KCTD14: variants seen among roughly 807,000 people sequenced by gnomAD.
KCTD14 encodes the protein BTB/POZ domain-containing protein KCTD14.
KCTD14 carries 7 observed loss-of-function variants against 5.9 expected under a neutral mutation model. The ratio of observed to expected loss-of-function variants is 1.19; its 90% confidence interval spans 0.68 to 2.23. KCTD14 has a LOEUF of 2.23. Among genes scored for constraint, KCTD14 ranks in the 30% most tolerant of loss-of-function variants. The pLI is 0.00. For missense variants in KCTD14, 342 were observed against 332.2 expected (o/e 1.03, Z -0.23); for synonymous variants, 140 against 133.1 (o/e 1.05, Z -0.36).
At chr11:78,029,520 A>G (rs73509607) in intron 2 of KCTD14, among the ~76,000 whole-genome samples, 13,622 of 152,264 alleles carry the variant, frequency 0.089, 1,955 homozygotes, top group African/African-American at 0.31. Context: ...AAAATGTGGG[A>G]AAAACTTAAA....
chr11:78,043,532 A>T (rs1243266529), intron 1 of KCTD14, among the ~76,000 whole-genome samples: 1 of 152,190 alleles, frequency 6.6e-6, no homozygotes, highest in Admixed American at 6.5e-5. Flanking sequence ...AAGTGAGGGG[A>T]TAGACTGAGA....
At chr11:78,029,598 CCTGTT>C (rs1857559743) in intron 2 of KCTD14, among the ~76,000 whole-genome samples, 1 of 152,186 alleles carries the variant, frequency 6.6e-6, no homozygotes, top group Non-Finnish European at 1.5e-5. Context: ...TTTTCTCTCT[CCTGTT>C]CTCACTTTTG....
At chr11:78,027,181 G>A (rs73507589), upstream of KCTD14, among the ~76,000 whole-genome samples, 10,829 of 152,098 alleles carry the variant, frequency 0.071, 1,237 homozygotes, top group African/African-American at 0.25. Flanking sequence ...GGTTAGGTCC[G>A]AAAAGACTGG....
intron 1 of KCTD14, among the ~76,000 whole-genome samples, chr11:78,041,985 T>A (rs183031379): frequency 3.3e-5 from 5 of 149,718 alleles, no homozygotes; most frequent in Non-Finnish European, 5.9e-5. Flanking sequence ...AAGAAAGGCT[T>A]GCCACCATCT....
At chr11:78,042,513 A>G (rs964419111) in intron 1 of KCTD14, among the ~76,000 whole-genome samples, 1 of 150,674 alleles carries the variant, frequency 6.6e-6, no homozygotes, top group Non-Finnish European at 1.5e-5. Context: ...CTCAAAAAGA[A>G]AAAAAAAAAT....
chr11:78,016,622 T>C lies in KCTD14; in HGVS notation c.739A>G (p.Ile247Val). The change falls in exon 2 of 2, where the codon ATT (isoleucine) becomes GTT (valine). Residue 247 changes from isoleucine to valine, a missense_variant. Transcript: ENST00000353172. ...PTKRNEFHFN[I>V]YSFTFTWW is the part of the protein sequence containing the mutation. The stretch of plus-strand genomic sequence containing the variant: ...CACCAGGTGAAGGTGAATGAATAAA[T>C]GTTAAAATGGAATTCGTTTCTTTTG... 5 of 1,614,044 alleles carry C rather than the reference T, an allele frequency of 3.1e-6. No homozygotes were observed. Among genetic ancestry groups the C allele is most frequent in the Non-Finnish European group, 4.2e-6 (5 of 1,179,920 alleles).
rs1220185100 is a variant in KCTD14 at position 78,015,798 on chromosome 11, G to C, written c.*795C>G. 1 of 152,262 alleles carries C rather than the reference G, an allele frequency of 6.6e-6. No individual in the cohort carries two copies. Among genetic ancestry groups the C allele is most frequent in the East Asian group, 1.9e-4 (1 of 5,202 alleles). 9.4% of individuals were successfully genotyped at this position (152,262 alleles called of 1,614,324 possible). On this transcript the variant is annotated 3_prime_UTR_variant, in exon 2 of 2. Coordinates refer to ENST00000353172, the MANE Select transcript of KCTD14 (RefSeq NM_023930.4). ...GCGTAGGACAGAGGAAAAAAACTGA[G>C]TAAGAATGTGCTCTCAGAAGAAGAC... is the stretch of plus-strand genomic sequence containing the variant.
rs752112333 is a variant in KCTD14 at position 78,017,246 on chromosome 11, C to T, written c.115G>A (p.Val39Ile). The stretch of plus-strand genomic sequence containing the variant: ...GTGGTGGTGTGGAACTCACCCCCGA[C>T]GTTCAGCTCCACAACAGTAGACATC... Reference protein sequence around the residue: ...PTMSTVVELNVGGEFHTTTLG... With the variant: ...PTMSTVVELNIGGEFHTTTLG... The change falls in exon 2 of 2, where the codon GTC becomes ATC. Residue 39 changes from valine to isoleucine, a missense_variant. Val to Ile is a conservative substitution (Grantham distance 29). Transcript: ENST00000353172. 1.9e-5 allele frequency: 31 copies of T among 1,602,718 alleles called. No individual in the cohort carries two copies. Among genetic ancestry groups the T allele is most frequent in the East Asian group, 9.0e-5 (4 of 44,542 alleles).
intron 1 of KCTD14, among the ~76,000 whole-genome samples, chr11:78,018,267 A>G (rs12808681): frequency 6.6e-6 from 1 of 152,160 alleles, no homozygotes; most frequent in Non-Finnish European, 1.5e-5. Context: ...TTGGCCGGGC[A>G]TAGTGGCTCA....
In KCTD14 at chr11:78,040,302, C is replaced by T. The variant is rs113020317; in HGVS notation, c.-95-1544G>A. Among the ~76,000 whole-genome samples the T allele has an allele frequency of 9.1e-3, 1,388 of 152,292 alleles. 22 individuals are homozygous for T. Among genetic ancestry groups the T allele is most frequent in the African/African-American group, 0.031 (1,277 of 41,564 alleles). On this transcript the variant is annotated intron_variant, in intron 1 of 2. Transcript: ENST00000533144. ...CACTTCCTGCTCCATGTTCTTTTTC[C>T]TTTCTCCTGTCTTCTCCTTCTCTCT...
At position 78,035,544 on chromosome 11, in the gene KCTD14, G is replaced by A. The variant is rs907664381; in HGVS notation, c.-1+3120C>T. 3.3e-5 allele frequency among the ~76,000 whole-genome samples: 5 copies of A among 151,980 alleles called. No individual in the cohort carries two copies. In the East Asian group the frequency reaches 9.7e-4, roughly 29 times the overall value. On this transcript the variant is annotated intron_variant, in intron 2 of 2. Coordinates refer to the KCTD14 transcript ENST00000533144. ...CCAAACCCTGCCAAAGGGACTCTTTGTAAAGAGTCGCTTTATGGGCCAGGC... is the reference window on the plus strand; with the variant it reads ...CCAAACCCTGCCAAAGGGACTCTTTATAAAGAGTCGCTTTATGGGCCAGGC...
chr11:78,036,080 A>G (rs1857790894), intron 2 of KCTD14, among the ~76,000 whole-genome samples: 1 of 152,030 alleles, frequency 6.6e-6, no homozygotes, highest in Admixed American at 6.6e-5. Context: ...AATCACTTGA[A>G]CCCAGGAGGA....
chr11:78,034,926 C>T (rs1333694414), intron 2 of KCTD14, among the ~76,000 whole-genome samples: 2 of 151,932 alleles, frequency 1.3e-5, no homozygotes, highest in African/African-American at 4.9e-5. Flanking sequence ...TTACTCTCTA[C>T]CGCCACCATC....
chr11:78,016,520 G>T lies in KCTD14; in HGVS notation c.*73C>A, dbSNP rs992680304. ...TTGCCTGATGTTTGTGAAATTAAAA[G>T]AAAATGGCTTTGATGGCAACTTTTA... On this transcript the variant is annotated 3_prime_UTR_variant, in exon 2 of 2. Transcript: ENST00000353172. 3 of 1,351,858 alleles carry T rather than the reference G, an allele frequency of 2.2e-6. No homozygotes were observed. The highest frequency in any genetic ancestry group is 1.5e-5 in the African/African-American group (1 of 68,708). The allele number at this position is 1,351,858 out of a possible 1,614,324, so 83.7% of individuals were successfully genotyped here. A position where few individuals can be genotyped will look rare whatever the true frequency, so the allele number is the denominator to read the frequency against.
At chr11:78,038,537 G>T in intron 2 of KCTD14, 1 of 1,100,552 alleles carries the variant, frequency 9.1e-7, no homozygotes. Flanking sequence ...CACCCCATCT[G>T]GCTCCCCGCT....
chr11:78,025,298 G>T (rs974323113), upstream of KCTD14, among the ~76,000 whole-genome samples: 3 of 151,774 alleles, frequency 2.0e-5, no homozygotes, highest in African/African-American at 4.8e-5. Flanking sequence ...GAAGCATCCA[G>T]CACGGGAAAA....
At position 78,023,149 on chromosome 11, in the gene KCTD14, C is replaced by T; in HGVS notation, c.90+11G>A. On this transcript the variant is annotated intron_variant, in intron 1 of 1. Transcript: ENST00000353172. ...ACAGAGGCGCGGGGACGCAGCTAGC[C>T]TCGCACTTACCGTTGGCCGCCTGGG... 1.3e-6 allele frequency: 2 copies of T among 1,556,958 alleles called. No individual in the cohort carries two copies. Among genetic ancestry groups the T allele is most frequent in the Non-Finnish European group, 1.7e-6 (2 of 1,145,112 alleles).
chr11:78,025,591 C>T (rs1857444996), upstream of KCTD14, among the ~76,000 whole-genome samples: 2 of 152,168 alleles, frequency 1.3e-5, no homozygotes, highest in African/African-American at 4.8e-5. Context: ...TCCAGCAAGG[C>T]TGAGTTCCCT....
chr11:78,034,499 T>C (rs1425035942), intron 2 of KCTD14, among the ~76,000 whole-genome samples: 1 of 152,074 alleles, frequency 6.6e-6, no homozygotes, highest in Non-Finnish European at 1.5e-5. Flanking sequence ...TCTCTCTGTT[T>C]TTCACCCAAA....
Sources: allele counts gnomAD v4.1 joint callset (sites outside exome capture counted in the v4.1 genomes callset), GRCh38; gene constraint gnomAD v4.1.1; transcripts MANE v1.5; gene names NCBI Gene and HGNC (gene_info 2026-07-23, HGNC 2026-07-21).